Variants in CELF2 observed in about 807,000 individuals in gnomAD.
CELF2 encodes CUGBP Elav-like family member 2, also known as CUG triplet repeat RNA-binding protein 2.
Under a neutral mutation model 62.6 loss-of-function variants are expected in CELF2, and 8 were observed. That is an observed-to-expected ratio of 0.13 (90% CI 0.07 to 0.23). CELF2 has a LOEUF of 0.23. Among genes scored for constraint, CELF2 ranks in the 10% least tolerant of loss-of-function variants. The pLI is 1.00. For synonymous variants in CELF2, 258 were observed against 250.0 expected, an observed-to-expected ratio of 1.03 and a Z score of -0.30; for missense variants, 333 against 671.0, an observed-to-expected ratio of 0.50 and a Z score of 5.56.
chr10:10,762,530 A>T, the CELF2 span, among the ~76,000 whole-genome samples: 4 of 152,292 alleles, frequency 2.6e-5, no homozygotes, highest in South Asian at 4.1e-4. Context: ...CCTATTCCAG[A>T]TGTCTACACG....
intron 1 of CELF2, among the ~76,000 whole-genome samples, chr10:10,873,899 G>A (rs2060918998): frequency 6.6e-6 from 1 of 152,192 alleles, no homozygotes; most frequent in East Asian, 1.9e-4. Flanking sequence ...CGGGCAGGTG[G>A]CACATTGCTC....
At chr10:11,206,051 A>G (rs1273080686) in intron 2 of CELF2, among the ~76,000 whole-genome samples, 1 of 152,144 alleles carries the variant, frequency 6.6e-6, no homozygotes, top group Non-Finnish European at 1.5e-5. Context: ...TCTGCTTTGG[A>G]TTGCAAATAA....
chr10:11,105,820 G>C (rs935572682), intron 1 of CELF2, among the ~76,000 whole-genome samples: 2 of 152,150 alleles, frequency 1.3e-5, no homozygotes, highest in Admixed American at 6.5e-5. Context: ...CCACCTGATA[G>C]AGATTCTGCT....
chr10:10,562,368 C>T, the CELF2 span, among the ~76,000 whole-genome samples: 3 of 152,186 alleles, frequency 2.0e-5, no homozygotes, highest in East Asian at 5.8e-4. Context: ...TAATCCTAAT[C>T]GCTTACATAT....
chr10:10,888,649 C>T (rs1046036314), intron 1 of CELF2, among the ~76,000 whole-genome samples: 12 of 152,144 alleles, frequency 7.9e-5, no homozygotes, highest in African/African-American at 2.4e-4. Context: ...AGTCTGCATG[C>T]CCCAGGCTTG....
At chr10:11,197,083 G>GAAGAAAGAAAGA (rs1554936936) in intron 2 of CELF2, among the ~76,000 whole-genome samples, 1 of 114,732 alleles carries the variant, frequency 8.7e-6, no homozygotes, top group African/African-American at 3.5e-5. Flanking sequence ...AAGAAAGAAA[G>GAAGAAAGAAAGA]AAGAAAGAAA....
chr10:10,797,593 A>G (rs2054222200), upstream of CELF2, among the ~76,000 whole-genome samples: 1 of 152,216 alleles, frequency 6.6e-6, no homozygotes. Context: ...ATAAAGAAAG[A>G]CTATCAAGTA....
chr10:10,839,664 G>A (rs2058549644), intron 1 of CELF2, among the ~76,000 whole-genome samples: 1 of 152,202 alleles, frequency 6.6e-6, no homozygotes, highest in South Asian at 2.1e-4. Flanking sequence ...AATAGAGTCA[G>A]ACTTTTCTTT....
chr10:10,924,357 A>ACT lies in CELF2; in HGVS notation c.89+4359_89+4360dup, dbSNP rs1591986507. On this transcript the variant is annotated intron_variant, in intron 2 of 13. Coordinates refer to the CELF2 transcript ENST00000636488. Reference sequence around the variant, plus strand: ...AACAGAGGTTTTACTGTAATCATGCACTATGAGCTGCTGTTTTTGAAAAAA... The same window carrying ACT: ...AACAGAGGTTTTACTGTAATCATGCACTCTATGAGCTGCTGTTTTTGAAAAAA... 2.0e-5 allele frequency among the ~76,000 whole-genome samples: 3 copies of ACT among 150,450 alleles called. No homozygotes were observed. The East Asian group carries it at 5.9e-4, about 30-fold the overall frequency.
the CELF2 span, among the ~76,000 whole-genome samples, chr10:10,635,814 T>G: frequency 6.6e-6 from 1 of 152,218 alleles, no homozygotes; most frequent in Non-Finnish European, 1.5e-5. Flanking sequence ...AACGAGGTAG[T>G]CACTCCATTA....
chr10:11,197,402 T>A (rs1485618848), intron 2 of CELF2, among the ~76,000 whole-genome samples: 1 of 152,228 alleles, frequency 6.6e-6, no homozygotes, highest in Non-Finnish European at 1.5e-5. Context: ...ATCTCAAGTT[T>A]CAGTTCCCAT....
intron 4 of CELF2, among the ~76,000 whole-genome samples, chr10:11,251,221 A>C (rs2077031807): frequency 6.6e-6 from 1 of 151,430 alleles, no homozygotes; most frequent in Non-Finnish European, 1.5e-5. Context: ...CAAATTAGCC[A>C]AATTGAAAAC....
At chr10:11,172,097 G>A (rs1235512490) in intron 2 of CELF2, among the ~76,000 whole-genome samples, 3 of 152,216 alleles carry the variant, frequency 2.0e-5, no homozygotes, top group Non-Finnish European at 4.4e-5. Flanking sequence ...TGCAAGTAGG[G>A]AATGGGATTT....
chr10:10,537,908 T>A, the CELF2 span, among the ~76,000 whole-genome samples: 2 of 152,150 alleles, frequency 1.3e-5, no homozygotes, highest in Non-Finnish European at 2.9e-5. Flanking sequence ...GGCAGAAGAC[T>A]TGGGGGGTCC....
At chr10:10,497,385 T>C in the CELF2 span, among the ~76,000 whole-genome samples, 1,617 of 152,206 alleles carry the variant, frequency 0.011, 28 homozygotes, top group African/African-American at 0.036. Context: ...TGCATGTCAA[T>C]TATGTGCCAG....
intron 1 of CELF2, among the ~76,000 whole-genome samples, chr10:11,104,207 A>G (rs17149527): frequency 0.13 from 19,355 of 152,164 alleles, 1,445 homozygotes; most frequent in African/African-American, 0.2. Flanking sequence ...AGCCTGATGT[A>G]TTTATTTGCA....
intron 2 of CELF2, among the ~76,000 whole-genome samples, chr10:10,954,228 T>C (rs1265932117): frequency 2.9e-5 from 4 of 137,174 alleles, no homozygotes; most frequent in Non-Finnish European, 4.5e-5. Context: ...TTATTATTAT[T>C]ATTATTATTA....
At chr10:10,626,848 G>A in the CELF2 span, among the ~76,000 whole-genome samples, 1 of 152,178 alleles carries the variant, frequency 6.6e-6, no homozygotes, top group Non-Finnish European at 1.5e-5. Context: ...ATTTTTCTCT[G>A]CTAGCACCTT....
At chr10:10,782,491 A>G in the CELF2 span, among the ~76,000 whole-genome samples, 3 of 152,150 alleles carry the variant, frequency 2.0e-5, no homozygotes, top group Admixed American at 6.6e-5. Flanking sequence ...TCTGCTTTCA[A>G]GTTCACTGAT....
Sources: gnomAD v4.1 joint callset for allele counts (sites outside exome capture counted in the v4.1 genomes callset) on GRCh38, gnomAD v4.1.1 for gene constraint, MANE v1.5 for transcripts, NCBI Gene and HGNC (gene_info 2026-07-23, HGNC 2026-07-21) for gene names.